The following DCC variants were observed in gnomAD, a reference collection of about 807,000 sequenced individuals.
The protein encoded by DCC is DCC netrin 1 receptor.
In DCC, 58 loss-of-function variants were observed where a neutral mutation model predicts 172.5. The observed-to-expected ratio is 0.34, with a 90% CI of 0.27 to 0.42. The LOEUF is 0.42. Among genes scored for constraint, DCC ranks in the 10% least tolerant of loss-of-function variants. DCC has a pLI of 1.00. For missense variants in DCC, 1,740 were observed against 1,791.0 expected (o/e 0.97, Z 0.51); for synonymous variants, 709 against 644.5 (o/e 1.10, Z -1.52).
At chr18:52,962,991 A>T (rs998098744) in intron 5 of DCC, among the ~76,000 whole-genome samples, 1 of 151,340 alleles carries the variant, frequency 6.6e-6, no homozygotes, top group Non-Finnish European at 1.5e-5. Flanking sequence ...GCATTTGGAG[A>T]TATACCTAAT....
chr18:53,255,566 A>G (rs2056497152), intron 12 of DCC, among the ~76,000 whole-genome samples: 1 of 152,032 alleles, frequency 6.6e-6, no homozygotes, highest in African/African-American at 2.4e-5. Flanking sequence ...ATGGCTACAT[A>G]GTATTCCATG....
At chr18:53,084,842 G>C (rs4368222) in intron 7 of DCC, among the ~76,000 whole-genome samples, 64,662 of 152,092 alleles carry the variant, frequency 0.43, 14,633 homozygotes, top group Non-Finnish European at 0.48. Flanking sequence ...TTGAATTCAA[G>C]ATTCTTCCAC....
At chr18:53,207,886 C>A in intron 11 of DCC, 69 bp downstream of exon 11, 1 of 1,333,828 alleles carries the variant, frequency 7.5e-7, no homozygotes, top group Non-Finnish European at 1.1e-6. Context: ...CATGATATTG[C>A]ACATATATCA....
intron 7 of DCC, among the ~76,000 whole-genome samples, chr18:53,130,810 A>G (rs979659186): frequency 6.6e-6 from 1 of 151,992 alleles, no homozygotes; most frequent in Admixed American, 6.6e-5. Flanking sequence ...TTCACATTCC[A>G]TAATCCTTGA....
chr18:53,208,640 A>G (rs967329732), intron 11 of DCC, among the ~76,000 whole-genome samples: 1 of 152,210 alleles, frequency 6.6e-6, no homozygotes, highest in Admixed American at 6.5e-5. Context: ...AAATGGAAGA[A>G]TAGACACAAA....
At chr18:53,322,218 G>C (rs2057419818) in intron 14 of DCC, 61 bp downstream of exon 14, 1 of 952,514 alleles carries the variant, frequency 1.0e-6, no homozygotes, top group Non-Finnish European at 1.7e-6. Flanking sequence ...AGCTTCAAAA[G>C]GTCTCTTAAA....
At chr18:52,817,803 A>ATATATATATATGTGTG (rs375371359) in intron 2 of DCC, among the ~76,000 whole-genome samples, 1 of 151,428 alleles carries the variant, frequency 6.6e-6, no homozygotes, top group African/African-American at 2.4e-5. Context: ...ATATATATAT[A>ATATATATATATGTGTG]TGTGTGTGTG....
At position 52,461,966 on chromosome 18, in the gene DCC, G is replaced by A. The variant is rs117992539; in HGVS notation, c.91+121088G>A. 6.7e-3 allele frequency among the ~76,000 whole-genome samples: 1,025 copies of A among 152,220 alleles called. 8 individuals carry two copies. The highest frequency in any genetic ancestry group is 0.011 in the Admixed American group (161 of 15,292). On this transcript the variant is annotated intron_variant, in intron 1 of 28. Coordinates refer to ENST00000442544, the MANE Select transcript of DCC (RefSeq NM_005215.4). ...CTGCTCCTCCTGTAACCTTCTCTGA[G>A]TTGGAGGAAACTCAGTCCTTTCAAT...
At chr18:53,244,893 G>A (rs1369471889) in intron 12 of DCC, among the ~76,000 whole-genome samples, 1 of 152,014 alleles carries the variant, frequency 6.6e-6, no homozygotes, top group Non-Finnish European at 1.5e-5. Context: ...ACTATATTAA[G>A]TCATTCATCC....
chr18:53,508,679 G>C (rs2046214408), intron 27 of DCC, among the ~76,000 whole-genome samples: 1 of 152,158 alleles, frequency 6.6e-6, no homozygotes, highest in Non-Finnish European at 1.5e-5. Flanking sequence ...TGACACATTA[G>C]AATACTTGAT....
chr18:53,443,718 A>T (rs147665197), intron 22 of DCC, among the ~76,000 whole-genome samples: 51 of 152,394 alleles, frequency 3.3e-4, no homozygotes, highest in African/African-American at 1.1e-3. Context: ...GATGCCATTA[A>T]GAACATTTGT....
At chr18:52,865,635 C>T (rs1204875468) in intron 2 of DCC, among the ~76,000 whole-genome samples, 2 of 151,246 alleles carry the variant, frequency 1.3e-5, no homozygotes, top group Non-Finnish European at 2.9e-5. Context: ...TGTTTGATAG[C>T]CGCCTAAATG....
intron 1 of DCC, among the ~76,000 whole-genome samples, chr18:52,577,968 G>A (rs1463979481): frequency 6.6e-6 from 1 of 152,176 alleles, no homozygotes; most frequent in Admixed American, 6.5e-5. Context: ...AAATGGCTTT[G>A]GAATGATTTA....
chr18:52,618,842 A>C (rs1459870933), intron 1 of DCC, among the ~76,000 whole-genome samples: 1 of 152,204 alleles, frequency 6.6e-6, no homozygotes, highest in Non-Finnish European at 1.5e-5. Flanking sequence ...GATAGCTTCT[A>C]TATCAACTGC....
intron 27 of DCC, among the ~76,000 whole-genome samples, chr18:53,524,697 C>A (rs528354043): frequency 6.6e-6 from 1 of 152,062 alleles, no homozygotes; most frequent in Non-Finnish European, 1.5e-5. Context: ...GATTTATAGT[C>A]CTTGAACTAG....
chr18:53,410,661 C>T lies in DCC; in HGVS notation c.3130+15C>T. 1.4e-6 allele frequency: 2 copies of T among 1,444,150 alleles called. No homozygotes were observed. The highest frequency in any genetic ancestry group is 2.0e-6 in the Non-Finnish European group (2 of 1,022,434). The allele number at this position is 1,444,150 out of a possible 1,614,324, so 89.5% of individuals were successfully genotyped here. A position where few individuals can be genotyped will look rare whatever the true frequency, so the allele number is the denominator to read the frequency against. Reference sequence around the variant, plus strand: ...GACTCTGAAAGGTTTGAATAATTTCCTATTATGCTTTTCTTTTCCTGTGGG... The same window carrying T: ...GACTCTGAAAGGTTTGAATAATTTCTTATTATGCTTTTCTTTTCCTGTGGG... On this transcript the variant is annotated intron_variant, in intron 20 of 28. Coordinates refer to ENST00000442544, the MANE Select transcript of DCC (RefSeq NM_005215.4).
chr18:52,480,717 C>A (rs2029924896), intron 1 of DCC, among the ~76,000 whole-genome samples: 1 of 152,112 alleles, frequency 6.6e-6, no homozygotes, highest in African/African-American at 2.4e-5. Context: ...TGAATTTGCC[C>A]TTTTGGCAGC....
intron 12 of DCC, among the ~76,000 whole-genome samples, chr18:53,221,577 T>G (rs1420533365): frequency 6.6e-6 from 1 of 152,128 alleles, no homozygotes; most frequent in Non-Finnish European, 1.5e-5. Flanking sequence ...GAATAGATAC[T>G]AAGTTTTAGT....
At chr18:52,388,417 T>G (rs1985901765) in intron 1 of DCC, among the ~76,000 whole-genome samples, 1 of 152,120 alleles carries the variant, frequency 6.6e-6, no homozygotes, top group Admixed American at 6.5e-5. Flanking sequence ...GAGAATTAAT[T>G]TTTATTTATT....
Sources: allele counts gnomAD v4.1 joint callset (sites outside exome capture counted in the v4.1 genomes callset), GRCh38; gene constraint gnomAD v4.1.1; transcripts MANE v1.5; gene names NCBI Gene and HGNC (gene_info 2026-07-23, HGNC 2026-07-21).